The following GREM2 variants were observed in gnomAD, a reference collection of about 807,000 sequenced individuals.
The protein encoded by GREM2 is gremlin 2, DAN family BMP antagonist, also known as gremlin-2.
In GREM2, 11 loss-of-function variants were observed where a neutral mutation model predicts 14.2. The observed-to-expected ratio is 0.78, with a 90% CI of 0.49 to 1.28. GREM2 has a LOEUF of 1.28. GREM2 is among the 50% of genes most tolerant of loss of function. The probability of loss-of-function intolerance (pLI) is 0.00; values close to 1 mark genes in which losing one functional copy is unlikely to be tolerated. For synonymous variants in GREM2, 98 were observed against 97.6 expected, an observed-to-expected ratio of 1.00 and a Z score of -0.02; for missense variants, 210 against 218.5, an observed-to-expected ratio of 0.96 and a Z score of 0.24.
intron 1 of GREM2, among the ~76,000 whole-genome samples, chr1:240,529,286 T>A (rs779860935): frequency 5.9e-5 from 9 of 151,562 alleles, no homozygotes; most frequent in East Asian, 3.9e-4. Context: ...TTTTTTTTTC[T>A]TATAAAGTTT....
chr1:240,499,658 CTG>C (rs1677519906), intron 1 of GREM2, among the ~76,000 whole-genome samples: 1 of 152,210 alleles, frequency 6.6e-6, no homozygotes, highest in African/African-American at 2.4e-5. Context: ...TTTCTTGGCC[CTG>C]GGATCAGGGA....
At chr1:240,583,349 G>T (rs1015117067) in intron 1 of GREM2, among the ~76,000 whole-genome samples, 1 of 152,190 alleles carries the variant, frequency 6.6e-6, no homozygotes, top group Non-Finnish European at 1.5e-5. Flanking sequence ...ATATAAAGAT[G>T]TGACAGATAG....
intron 1 of GREM2, among the ~76,000 whole-genome samples, chr1:240,525,516 C>CA (rs1340464434): frequency 2.0e-5 from 3 of 151,218 alleles, no homozygotes; most frequent in African/African-American, 7.3e-5. Context: ...TTTTTTTAAA[C>CA]AGAGTGCTGG....
chr1:240,601,251 A>T (rs924477073), intron 1 of GREM2, among the ~76,000 whole-genome samples: 1 of 152,210 alleles, frequency 6.6e-6, no homozygotes, highest in African/African-American at 2.4e-5. Flanking sequence ...TCAGATGAGG[A>T]TTACTGATAC....
At chr1:240,577,879 A>G (rs533075999) in intron 1 of GREM2, among the ~76,000 whole-genome samples, 5 of 152,340 alleles carry the variant, frequency 3.3e-5, no homozygotes, top group East Asian at 3.9e-4. Flanking sequence ...ATATTTCTGG[A>G]TAATTGAACT....
intron 1 of GREM2, among the ~76,000 whole-genome samples, chr1:240,498,728 T>C (rs1442613592): frequency 1.3e-5 from 2 of 152,202 alleles, no homozygotes; most frequent in African/African-American, 4.8e-5. Flanking sequence ...GGCACACAAT[T>C]AACCTTTCAG....
intron 1 of GREM2, among the ~76,000 whole-genome samples, chr1:240,507,978 C>T (rs1194166219): frequency 3.3e-5 from 5 of 152,164 alleles, no homozygotes; most frequent in African/African-American, 7.2e-5. Flanking sequence ...TTCTGACCCA[C>T]AGCATTGGGA....
At chr1:240,544,882 T>C (rs865869465) in intron 1 of GREM2, among the ~76,000 whole-genome samples, 15 of 152,228 alleles carry the variant, frequency 9.9e-5, no homozygotes, top group South Asian at 4.1e-4. Flanking sequence ...TGAAAAGTTA[T>C]ATAGTTCTCA....
chr1:240,553,347 T>C (rs1033458612), intron 1 of GREM2, among the ~76,000 whole-genome samples: 4 of 152,232 alleles, frequency 2.6e-5, no homozygotes, highest in South Asian at 4.1e-4. Flanking sequence ...TTCAAGATCA[T>C]AGGGCAAATA....
chr1:240,521,379 T>C (rs1572379345), intron 1 of GREM2, among the ~76,000 whole-genome samples: 1 of 151,936 alleles, frequency 6.6e-6, no homozygotes, highest in Non-Finnish European at 1.5e-5. Context: ...CCATCCTGGC[T>C]AACACGGTGA....
chr1:240,589,168 G>C (rs1679656458), intron 1 of GREM2: 1 of 152,336 alleles, frequency 6.6e-6, no homozygotes, highest in Admixed American at 6.5e-5. Context: ...GAGCATGGTG[G>C]CTCACGCCTG....
At chr1:240,513,575 C>CAAAA (rs5782148) in intron 1 of GREM2, among the ~76,000 whole-genome samples, 11 of 110,886 alleles carry the variant, frequency 9.9e-5, no homozygotes, top group Non-Finnish European at 1.5e-4. Flanking sequence ...ACTCCATCTA[C>CAAAA]AAAAAAAAAA....
intron 1 of GREM2, among the ~76,000 whole-genome samples, chr1:240,557,927 A>G (rs1434577443): frequency 1.3e-5 from 2 of 152,212 alleles, no homozygotes; most frequent in East Asian, 1.9e-4. Context: ...AGGTAAGTAG[A>G]AAGAAAATGA....
intron 1 of GREM2, among the ~76,000 whole-genome samples, chr1:240,539,586 C>T (rs1410953731): frequency 6.6e-6 from 1 of 152,152 alleles, no homozygotes; most frequent in Non-Finnish European, 1.5e-5. Context: ...AATGCATAAG[C>T]ATTTCTGGGA....
chr1:240,548,756 A>G (rs11583064), intron 1 of GREM2, among the ~76,000 whole-genome samples: 43,344 of 152,024 alleles, frequency 0.29, 6,345 homozygotes, highest in East Asian at 0.4. Flanking sequence ...AAGGGAAGTG[A>G]GGGAGGCTGT....
intron 1 of GREM2, among the ~76,000 whole-genome samples, chr1:240,555,615 T>C (rs1678941167): frequency 6.6e-6 from 1 of 152,210 alleles, no homozygotes; most frequent in Admixed American, 6.5e-5. Context: ...GTGCATTAAC[T>C]AGTACTGAGT....
intron 1 of GREM2, among the ~76,000 whole-genome samples, chr1:240,579,985 C>T (rs1032152088): frequency 2.9e-4 from 44 of 152,192 alleles, no homozygotes; most frequent in African/African-American, 1.0e-3. Flanking sequence ...GTCAGACATA[C>T]ATATGCGTTT....
chr1:240,546,146 C>T (rs1046925419), intron 1 of GREM2, among the ~76,000 whole-genome samples: 1 of 151,818 alleles, frequency 6.6e-6, no homozygotes, highest in Non-Finnish European at 1.5e-5. Context: ...AGCAGCCTGG[C>T]CAACATGGTG....
intron 1 of GREM2, among the ~76,000 whole-genome samples, chr1:240,562,453 AC>A (rs1679058759): frequency 6.6e-6 from 1 of 152,190 alleles, no homozygotes; most frequent in African/African-American, 2.4e-5. Flanking sequence ...CTCAGCGGTT[AC>A]GATTCTTACA....
Sources: allele counts gnomAD v4.1 joint callset (sites outside exome capture counted in the v4.1 genomes callset), GRCh38; gene constraint gnomAD v4.1.1; transcripts MANE v1.5; gene names NCBI Gene and HGNC (gene_info 2026-07-23, HGNC 2026-07-21).